Variants in LRRC28 observed in about 807,000 individuals in gnomAD.
LRRC28 encodes leucine-rich repeat-containing protein 28.
A neutral mutation model predicts 45.7 loss-of-function variants in LRRC28; 39 were observed. The observed-to-expected ratio is 0.85, with a 90% CI of 0.66 to 1.12. The LOEUF (loss-of-function observed/expected upper bound fraction) is 1.12. Ranked by LOEUF, LRRC28 falls within the 50% of genes most tolerant of loss-of-function variation. The pLI, the probability that LRRC28 is intolerant of heterozygous loss-of-function variation, is 0.00. For missense variants in LRRC28, 435 were observed against 438.5 expected (o/e 0.99, Z 0.07); for synonymous variants, 206 against 178.8 (o/e 1.15, Z -1.22).
chr15:99,363,560 C>T (rs903683386), intron 9 of LRRC28, among the ~76,000 whole-genome samples: 2 of 151,910 alleles, frequency 1.3e-5, no homozygotes, highest in Non-Finnish European at 2.9e-5. Context: ...AGCCTTTAGG[C>T]AATAAGGGAT....
intron 6 of LRRC28, among the ~76,000 whole-genome samples, chr15:99,349,854 C>T (rs1215236950): frequency 6.6e-6 from 1 of 152,194 alleles, no homozygotes; most frequent in Non-Finnish European, 1.5e-5. Flanking sequence ...TAGAAAAATG[C>T]GGCCGGGCGC....
intron 2 of LRRC28, among the ~76,000 whole-genome samples, chr15:99,263,545 A>G (rs1450026322): frequency 6.6e-6 from 1 of 152,208 alleles, no homozygotes; most frequent in Admixed American, 6.5e-5. Context: ...ATAAATGAAT[A>G]TAAAGTAGAA....
At chr15:99,381,622 T>G (rs1957827260) in intron 9 of LRRC28, among the ~76,000 whole-genome samples, 1 of 152,268 alleles carries the variant, frequency 6.6e-6, no homozygotes, top group Non-Finnish European at 1.5e-5. Flanking sequence ...TTTTTAGAGT[T>G]TTCAGCTTTT....
At position 99,386,928 on chromosome 15, in the gene LRRC28, A is replaced by G. The variant is rs540831928; in HGVS notation, c.*826A>G. 1.2e-4 allele frequency: 18 copies of G among 152,274 alleles called. No individual in the cohort carries two copies. The South Asian group carries it at 3.5e-3, about 30-fold the overall frequency. The allele number at this position is 152,274 out of a possible 1,614,324, so 9.4% of individuals were successfully genotyped here. On this transcript the variant is annotated 3_prime_UTR_variant, in exon 10 of 10. Coordinates refer to ENST00000301981, the MANE Select transcript of LRRC28 (RefSeq NM_144598.5). ...TTTCTCAATATAAAGTTTCCATACAATGAGAAAGGGGGAGAAAACACACAT... is the reference window on the plus strand; with the variant it reads ...TTTCTCAATATAAAGTTTCCATACAGTGAGAAAGGGGGAGAAAACACACAT...
chr15:99,385,975 C>CAG, intron 9 of LRRC28, 55 bp from the exon 10 acceptor site: 1 of 1,509,404 alleles, frequency 6.6e-7, no homozygotes, highest in East Asian at 2.3e-5. Context: ...CAGAAAGAAT[C>CAG]AGAGACTTTA....
chr15:99,375,708 C>G (rs1397979718), intron 9 of LRRC28, among the ~76,000 whole-genome samples: 4 of 152,074 alleles, frequency 2.6e-5, no homozygotes, highest in African/African-American at 9.7e-5. Flanking sequence ...TTGTAGTTTT[C>G]TAGACACTGG....
At chr15:99,260,384 A>T (rs1302570413) in intron 2 of LRRC28, among the ~76,000 whole-genome samples, 1 of 152,246 alleles carries the variant, frequency 6.6e-6, no homozygotes, top group Non-Finnish European at 1.5e-5. Flanking sequence ...TCTTTATAAT[A>T]GCTTATGGTA....
intron 8 of LRRC28, among the ~76,000 whole-genome samples, chr15:99,361,942 T>C (rs1041088477): frequency 2.0e-5 from 3 of 152,174 alleles, no homozygotes; most frequent in Non-Finnish European, 4.4e-5. Context: ...GATACGTCAA[T>C]AGAGCAGGTT....
intron 3 of LRRC28, chr15:99,285,136 T>A: frequency 1.4e-6 from 1 of 718,878 alleles, no homozygotes; most frequent in South Asian, 1.4e-5. Flanking sequence ...GGTTACAAAA[T>A]CAAAGCCCCT....
chr15:99,278,134 C>A (rs1280370876), intron 3 of LRRC28, among the ~76,000 whole-genome samples: 1 of 152,146 alleles, frequency 6.6e-6, no homozygotes, highest in Non-Finnish European at 1.5e-5. Context: ...GTTACTTATT[C>A]TTTTCCAGCT....
rs549733084 is a variant in LRRC28, at chr15:99,340,117, A to G, written c.592+5988A>G. Among the ~76,000 whole-genome samples, 3 of 152,378 alleles carry G rather than the reference A, an allele frequency of 2.0e-5. No individual in the cohort carries two copies. The East Asian group carries it at 5.8e-4, about 29-fold the overall frequency. ...CGTGATTCTACCACTCCTCCAGATCACACACTGTGACTTTGATAAGGGTAT... is the reference window on the plus strand; with the variant it reads ...CGTGATTCTACCACTCCTCCAGATCGCACACTGTGACTTTGATAAGGGTAT... On this transcript the variant is annotated intron_variant, in intron 6 of 9. Transcript: ENST00000301981.
intron 5 of LRRC28, among the ~76,000 whole-genome samples, chr15:99,292,750 T>C (rs991391519): frequency 4.6e-5 from 7 of 152,230 alleles, no homozygotes; most frequent in Admixed American, 1.3e-4. Context: ...TGATTTTTCT[T>C]TAACCCTTGT....
intron 9 of LRRC28, among the ~76,000 whole-genome samples, chr15:99,364,846 A>G (rs535135908): frequency 2.6e-5 from 4 of 152,328 alleles, no homozygotes; most frequent in Admixed American, 2.6e-4. Context: ...CTATTTTTGT[A>G]GTTTAGAGAT....
intron 5 of LRRC28, among the ~76,000 whole-genome samples, chr15:99,312,415 G>A (rs567003409): frequency 6.6e-6 from 1 of 152,258 alleles, no homozygotes; most frequent in East Asian, 1.9e-4. Flanking sequence ...TTTCCCACCA[G>A]AAGGTCTTCA....
chr15:99,381,253 ACTTCT>A (rs1381607757), intron 9 of LRRC28, among the ~76,000 whole-genome samples: 18 of 151,680 alleles, frequency 1.2e-4, no homozygotes, highest in African/African-American at 3.9e-4. Context: ...TTTTCTCTTA[ACTTCT>A]CTTCTCACTT....
At chr15:99,358,806 G>A (rs933802912) in intron 7 of LRRC28, among the ~76,000 whole-genome samples, 7 of 152,078 alleles carry the variant, frequency 4.6e-5, no homozygotes, top group Non-Finnish European at 8.8e-5. Flanking sequence ...GGCCAGGTGC[G>A]GTGGTTCATA....
At chr15:99,344,731 C>T (rs763962240) in intron 6 of LRRC28, among the ~76,000 whole-genome samples, 9 of 152,130 alleles carry the variant, frequency 5.9e-5, no homozygotes, top group Non-Finnish European at 1.3e-4. Flanking sequence ...AGTGTCAGCT[C>T]TTATTTAACT....
At chr15:99,258,394 C>T in intron 2 of LRRC28, 1 of 1,011,344 alleles carries the variant, frequency 9.9e-7, no homozygotes, top group South Asian at 1.3e-5. Flanking sequence ...CATTTGATTA[C>T]CTTGCATTGG....
At chr15:99,302,995 T>C (rs1193123705) in intron 5 of LRRC28, among the ~76,000 whole-genome samples, 1 of 152,228 alleles carries the variant, frequency 6.6e-6, no homozygotes, top group African/African-American at 2.4e-5. Context: ...GGCATATGTT[T>C]TCTTTTCTCT....
Sources: allele counts gnomAD v4.1 joint callset (sites outside exome capture counted in the v4.1 genomes callset), GRCh38; gene constraint gnomAD v4.1.1; transcripts MANE v1.5; gene names NCBI Gene and HGNC (gene_info 2026-07-23, HGNC 2026-07-21).